ZFYVE9: variants seen among roughly 807,000 people sequenced by gnomAD.
The protein encoded by ZFYVE9 is zinc finger FYVE-type containing 9, also known as zinc finger FYVE domain-containing protein 9.
In ZFYVE9, 43 loss-of-function variants were observed where a neutral mutation model predicts 126.7. That is an observed-to-expected ratio of 0.34 (90% CI 0.27 to 0.44). The LOEUF is 0.44. Ranked by LOEUF, ZFYVE9 falls within the 20% of genes least tolerant of loss-of-function variation. The pLI is 1.00. For synonymous variants in ZFYVE9, 521 were observed against 597.4 expected, an observed-to-expected ratio of 0.87 and a Z score of 1.87; for missense variants, 1,476 against 1,697.0, an observed-to-expected ratio of 0.87 and a Z score of 2.29.
At chr1:52,148,622 C>T (rs1198814208) in intron 1 of ZFYVE9, among the ~76,000 whole-genome samples, 1 of 151,642 alleles carries the variant, frequency 6.6e-6, no homozygotes, top group African/African-American at 2.4e-5. Context: ...AAAAGGCTGT[C>T]TTCTATTAAT....
At chr1:52,161,828 A>G (rs1644462740) in intron 1 of ZFYVE9, among the ~76,000 whole-genome samples, 1 of 152,218 alleles carries the variant, frequency 6.6e-6, no homozygotes, top group Non-Finnish European at 1.5e-5. Flanking sequence ...AAGAAAGTTT[A>G]AAAAGGAGTT....
chr1:52,207,027 T>C (rs1362012643), intron 1 of ZFYVE9, among the ~76,000 whole-genome samples: 1 of 152,234 alleles, frequency 6.6e-6, no homozygotes, highest in African/African-American at 2.4e-5. Flanking sequence ...GTGTACTCAG[T>C]TCCATTCAAA....
At chr1:52,344,980 T>G (rs765179869) in intron 18 of ZFYVE9, 36 bp downstream of exon 18, 3 of 1,606,684 alleles carry the variant, frequency 1.9e-6, no homozygotes, top group Middle Eastern at 1.7e-4. Flanking sequence ...AAAGCTGGCC[T>G]TGGGCAACGT....
intron 2 of ZFYVE9, among the ~76,000 whole-genome samples, chr1:52,226,306 T>C (rs1185480423): frequency 1.3e-5 from 2 of 152,156 alleles, no homozygotes; most frequent in African/African-American, 2.4e-5. Context: ...GCAGCTCGAC[T>C]TCACAGACTG....
intron 1 of ZFYVE9, among the ~76,000 whole-genome samples, chr1:52,199,397 A>G (rs1287715959): frequency 6.6e-6 from 1 of 152,116 alleles, no homozygotes; most frequent in African/African-American, 2.4e-5. Flanking sequence ...TGTAGTTTCG[A>G]CTTTTCCAGA....
At chr1:52,211,247 G>A (rs773327598) in intron 1 of ZFYVE9, among the ~76,000 whole-genome samples, 66 of 152,086 alleles carry the variant, frequency 4.3e-4, no homozygotes, top group Non-Finnish European at 8.7e-4. Flanking sequence ...AGGTTTAGAG[G>A]AAGGAGACAT....
chr1:52,300,392 C>T (rs1344629105), intron 12 of ZFYVE9, among the ~76,000 whole-genome samples: 1 of 151,888 alleles, frequency 6.6e-6, no homozygotes, highest in Non-Finnish European at 1.5e-5. Context: ...GAGTTTGAGA[C>T]CAGCCTGGCT....
chr1:52,187,287 CCTT>C (rs545363408), intron 1 of ZFYVE9, among the ~76,000 whole-genome samples: 105 of 152,258 alleles, frequency 6.9e-4, no homozygotes, highest in African/African-American at 2.4e-3. Context: ...AAGCTGGACC[CCTT>C]CTTTATACCA....
At chr1:52,199,158 C>T (rs751766818) in intron 1 of ZFYVE9, among the ~76,000 whole-genome samples, 6 of 151,870 alleles carry the variant, frequency 4.0e-5, no homozygotes, top group East Asian at 3.9e-4. Context: ...CTCCGCCTCC[C>T]GGGTTCATGC....
intron 13 of ZFYVE9, among the ~76,000 whole-genome samples, chr1:52,305,662 T>C (rs1646076448): frequency 1.3e-5 from 2 of 152,044 alleles, no homozygotes; most frequent in South Asian, 4.1e-4. Context: ...GCCCAAGTTA[T>C]GGCTGCAGAC....
chr1:52,178,334 T>G (rs1254460352), intron 1 of ZFYVE9, among the ~76,000 whole-genome samples: 1 of 151,128 alleles, frequency 6.6e-6, no homozygotes, highest in Non-Finnish European at 1.5e-5. Flanking sequence ...TTGGGCTTTT[T>G]TTTTTTTTCG....
At chr1:52,340,333 A>C in intron 17 of ZFYVE9, 102 bp downstream of exon 17, 1 of 802,280 alleles carries the variant, frequency 1.2e-6, no homozygotes, top group Non-Finnish European at 2.0e-6. Context: ...AGAAAAAAAT[A>C]TCTCTGAGAA....
chr1:52,345,137 T>C (rs996083679), intron 18 of ZFYVE9, among the ~76,000 whole-genome samples, 193 bp downstream of exon 18: 2 of 152,200 alleles, frequency 1.3e-5, no homozygotes, highest in African/African-American at 4.8e-5. Context: ...TCAGAACCAT[T>C]TGAACTGTGG....
chr1:52,254,904 C>T (rs778779070), intron 4 of ZFYVE9, among the ~76,000 whole-genome samples: 9 of 151,786 alleles, frequency 5.9e-5, no homozygotes, highest in Non-Finnish European at 1.3e-4. Flanking sequence ...AGTTCGAGAC[C>T]AGCCTGGGCA....
intron 1 of ZFYVE9, among the ~76,000 whole-genome samples, chr1:52,167,750 A>G (rs1364847609): frequency 2.0e-5 from 3 of 152,138 alleles, no homozygotes; most frequent in African/African-American, 4.8e-5. Flanking sequence ...ATCCAAACAA[A>G]GTCACAGCAA....
At chr1:52,258,159 G>A (rs1249092996) in intron 4 of ZFYVE9, among the ~76,000 whole-genome samples, 1 of 152,190 alleles carries the variant, frequency 6.6e-6, no homozygotes, top group Non-Finnish European at 1.5e-5. Flanking sequence ...TTATTCCATG[G>A]AGTTTACATT....
chr1:52,244,853 T>A (rs1645368402), intron 4 of ZFYVE9, among the ~76,000 whole-genome samples: 1 of 152,172 alleles, frequency 6.6e-6, no homozygotes, highest in South Asian at 2.1e-4. Context: ...TGTTCTTTTT[T>A]AAAACAATTT....
chr1:52,276,821 A>G (rs750311104), intron 8 of ZFYVE9, among the ~76,000 whole-genome samples: 3 of 152,168 alleles, frequency 2.0e-5, no homozygotes, highest in Admixed American at 6.5e-5. Context: ...ACTTTTTCTC[A>G]TTGCAATTTA....
intron 10 of ZFYVE9, among the ~76,000 whole-genome samples, chr1:52,284,854 A>T (rs1199539129): frequency 6.6e-6 from 1 of 152,232 alleles, no homozygotes; most frequent in Non-Finnish European, 1.5e-5. Flanking sequence ...ACTATAATAC[A>T]TCTAAGCCAA....
Sources: gnomAD v4.1 joint callset for allele counts (sites outside exome capture counted in the v4.1 genomes callset) on GRCh38, gnomAD v4.1.1 for gene constraint, MANE v1.5 for transcripts, NCBI Gene and HGNC (gene_info 2026-07-23, HGNC 2026-07-21) for gene names.